TXK: variants seen among roughly 807,000 people sequenced by gnomAD.
The protein encoded by TXK is tyrosine-protein kinase TXK.
TXK carries 60 observed loss-of-function variants against 81.0 expected under a neutral mutation model. The ratio of observed to expected loss-of-function variants is 0.74; its 90% CI spans 0.60 to 0.92. The LOEUF is 0.92. Ranked by LOEUF, TXK falls within the 40% of genes least tolerant of loss-of-function variation. TXK has a pLI of 0.00. For missense variants in TXK, 581 were observed against 638.3 expected (o/e 0.91, Z 0.97); for synonymous variants, 203 against 210.7 (o/e 0.96, Z 0.32).
At chr4:48,122,443 A>C (rs918884331) in intron 1 of TXK, among the ~76,000 whole-genome samples, 2 of 152,210 alleles carry the variant, frequency 1.3e-5, no homozygotes, top group African/African-American at 4.8e-5. Context: ...TTCTAAGTGA[A>C]TAGCCCCCTG....
intron 1 of TXK, among the ~76,000 whole-genome samples, chr4:48,128,488 G>GT (rs1270184301): frequency 4.2e-4 from 58 of 137,124 alleles, no homozygotes; most frequent in East Asian, 1.3e-3. Flanking sequence ...TATCCTTTTT[G>GT]TTTTTTTTTC....
chr4:48,128,568 T>TC lies in TXK; in HGVS notation c.16+5586_16+5587insG, dbSNP rs1386414168. On this transcript the variant is annotated intron_variant, in intron 1 of 14. Transcript: ENST00000264316. The stretch of plus-strand genomic sequence containing the variant: ...AATGCCCACCACTACATCCTTTTTT[T>TC]TTTTTTTTTTTTTTTGAGATGGAGT... Among the ~76,000 whole-genome samples, 8 of 138,946 alleles carry TC rather than the reference T, an allele frequency of 5.8e-5. No homozygotes were observed. The South Asian group carries it at 1.8e-3, about 31-fold the overall frequency. 91.2% of individuals were successfully genotyped at this position (138,946 alleles called of 152,430 possible).
At chr4:48,126,163 C>T (rs1719084437) in intron 1 of TXK, among the ~76,000 whole-genome samples, 1 of 41,878 alleles carries the variant, frequency 2.4e-5, no homozygotes, top group African/African-American at 4.8e-5. Flanking sequence ...TTTCTTCTGC[C>T]TCTGTCACCC....
rs1372480575 is a variant in TXK, at chr4:48,066,695, A to T, written c.*942T>A. Reference sequence around the variant, plus strand: ...TAAATTTCTGATCATTCCTACAAAGAGTGCAGGCAAAGTTAAGATTTAACT... The same window carrying T: ...TAAATTTCTGATCATTCCTACAAAGTGTGCAGGCAAAGTTAAGATTTAACT... On this transcript the variant is annotated 3_prime_UTR_variant, in exon 15 of 15. Transcript: ENST00000264316. 1.3e-5 allele frequency: 2 copies of T among 152,168 alleles called. No individual in the cohort carries two copies. The highest frequency in any genetic ancestry group is 2.9e-5 in the Non-Finnish European group (2 of 68,022). The allele number at this position is 152,168 out of a possible 1,614,324, so 9.4% of individuals were successfully genotyped here. A position where few individuals can be genotyped will look rare whatever the true frequency, so the allele number is the denominator to read the frequency against.
chr4:48,092,321 A>T (rs1423258215), intron 8 of TXK, among the ~76,000 whole-genome samples: 1 of 152,214 alleles, frequency 6.6e-6, no homozygotes, highest in African/African-American at 2.4e-5. Flanking sequence ...GGGAAGATCC[A>T]TTAGGAACTA....
chr4:48,116,873 C>A (rs993201780), intron 1 of TXK, among the ~76,000 whole-genome samples: 3 of 152,154 alleles, frequency 2.0e-5, no homozygotes, highest in Middle Eastern at 6.8e-3. Flanking sequence ...GTCCACCCCT[C>A]AGCATCCATT....
At chr4:48,070,893 CTTTTTTTTTTTTTT>C in intron 14 of TXK, among the ~76,000 whole-genome samples, 1 of 84,332 alleles carries the variant, frequency 1.2e-5, no homozygotes, top group South Asian at 4.0e-4. Context: ...TCATTTAATT[CTTTTTTTTTTTTTT>C]TTTTTTTTTG....
At chr4:48,107,262 T>C (rs1718485557) in intron 5 of TXK, among the ~76,000 whole-genome samples, 1 of 151,786 alleles carries the variant, frequency 6.6e-6, no homozygotes, top group Non-Finnish European at 1.5e-5. Context: ...ACTAGGTTTT[T>C]CCATTGTAAT....
At chr4:48,132,006 G>A (rs1719257654) in intron 1 of TXK, among the ~76,000 whole-genome samples, 1 of 147,616 alleles carries the variant, frequency 6.8e-6, no homozygotes, top group African/African-American at 2.5e-5. Context: ...AAGACTATGA[G>A]TTATTTTCAG....
At chr4:48,090,451 A>G (rs150988235) in intron 8 of TXK, among the ~76,000 whole-genome samples, 1 of 152,324 alleles carries the variant, frequency 6.6e-6, no homozygotes, top group Non-Finnish European at 1.5e-5. Context: ...AGCATGGTAG[A>G]GTAAATGAGA....
intron 5 of TXK, among the ~76,000 whole-genome samples, chr4:48,109,127 G>A (rs764458430): frequency 4.6e-5 from 7 of 151,596 alleles, no homozygotes; most frequent in Non-Finnish European, 1.0e-4. Flanking sequence ...TTCAGCTCAG[G>A]ATAGCAGTGA....
intron 12 of TXK, among the ~76,000 whole-genome samples, chr4:48,074,434 T>C (rs1047658764): frequency 6.6e-6 from 1 of 152,218 alleles, no homozygotes; most frequent in African/African-American, 2.4e-5. Flanking sequence ...ACCACTCTTC[T>C]TAAAATGGAA....
Position 48,104,504 on chromosome 4 carries a change from TATATATATA to T in TXK, c.501+388_501+396del, listed in dbSNP as rs1331231483. Among the ~76,000 whole-genome samples, 2 of 1,614 alleles carry T rather than the reference TATATATATA, an allele frequency of 1.2e-3. 1 individual carries two copies. Among genetic ancestry groups the T allele is most frequent in the African/African-American group, 2.9e-3 (2 of 686 alleles). 1.1% of individuals were successfully genotyped at this position (1,614 alleles called of 152,430 possible). A position where few individuals can be genotyped will look rare whatever the true frequency, so the allele number is the denominator to read the frequency against. On this transcript the variant is annotated intron_variant, in intron 6 of 14. Transcript: ENST00000264316. ...ATATATAATATATAATATTATATAT[TATATATATA>T]ATATATAATATTATATATTATATAT...
intron 1 of TXK, among the ~76,000 whole-genome samples, chr4:48,128,033 A>G (rs1265979508): frequency 6.6e-6 from 1 of 152,214 alleles, no homozygotes; most frequent in Non-Finnish European, 1.5e-5. Flanking sequence ...AGGACAAAGG[A>G]ACAGATGTGA....
chr4:48,076,949 T>C (rs1217806013), intron 11 of TXK, among the ~76,000 whole-genome samples: 1 of 152,156 alleles, frequency 6.6e-6, no homozygotes, highest in East Asian at 1.9e-4. Flanking sequence ...ATTAATTCAA[T>C]CTGAAAGATG....
intron 10 of TXK, 144 bp from the exon 11 acceptor site, chr4:48,080,272 T>TTTGC: frequency 1.5e-6 from 1 of 683,346 alleles, no homozygotes; most frequent in East Asian, 2.7e-5. Flanking sequence ...AGGAAGTAGT[T>TTTGC]CAGTTTCCTT....
intron 9 of TXK, 28 bp downstream of exon 9, chr4:48,089,722 T>C: frequency 6.3e-6 from 10 of 1,594,010 alleles, no homozygotes; most frequent in Non-Finnish European, 8.6e-6. Flanking sequence ...GATTTGCTAT[T>C]TTACTTCAGC....
intron 6 of TXK, among the ~76,000 whole-genome samples, 168 bp downstream of exon 6, chr4:48,104,733 T>C (rs550892514): frequency 6.8e-6 from 1 of 147,504 alleles, no homozygotes; most frequent in Non-Finnish European, 1.5e-5. Flanking sequence ...GAAAACATGA[T>C]CTAATACAAA....
At chr4:48,129,281 A>G (rs1719178698) in intron 1 of TXK, among the ~76,000 whole-genome samples, 1 of 152,222 alleles carries the variant, frequency 6.6e-6, no homozygotes, top group African/African-American at 2.4e-5. Flanking sequence ...CAGAGATGTT[A>G]GTTTTTCTAA....
Sources: gnomAD v4.1 joint callset for allele counts (sites outside exome capture counted in the v4.1 genomes callset) on GRCh38, gnomAD v4.1.1 for gene constraint, MANE v1.5 for transcripts, NCBI Gene and HGNC (gene_info 2026-07-23, HGNC 2026-07-21) for gene names.